The following HFM1 variants were observed in gnomAD, a reference collection of about 807,000 sequenced individuals.
HFM1 encodes helicase for meiosis 1, also known as probable ATP-dependent DNA helicase HFM1.
HFM1 carries 169 observed loss-of-function variants against 192.1 expected under a neutral mutation model. That is an observed-to-expected ratio of 0.88 (90% CI 0.78 to 1.00). HFM1 has a LOEUF of 1.00. HFM1 is among the 50% of genes least tolerant of loss of function. The pLI is 0.00. For synonymous variants in HFM1, 525 were observed against 537.8 expected, an observed-to-expected ratio of 0.98 and a Z score of 0.33; for missense variants, 1,661 against 1,668.0, an observed-to-expected ratio of 1.00 and a Z score of 0.07.
At position 91,404,802 on chromosome 1, in the gene HFM1, C is replaced by T. The variant is rs1272380315; in HGVS notation, c.-32G>A. ...CGTCCGGGCCCCTCTCCTCACCTCC[C>T]TGCGGACAGCTCCTAGGCCAGTCGA... On this transcript the variant is annotated 5_prime_UTR_variant, in exon 1 of 39. Transcript: ENST00000370425. 8.8e-6 allele frequency: 4 copies of T among 453,236 alleles called. No individual in the cohort carries two copies. Among genetic ancestry groups the T allele is most frequent in the Admixed American group, 7.1e-5 (3 of 42,260 alleles). 28.1% of individuals were successfully genotyped at this position (453,236 alleles called of 1,614,324 possible).
intron 30 of HFM1, among the ~76,000 whole-genome samples, chr1:91,311,675 A>G (rs1018798348): frequency 2.0e-5 from 3 of 152,326 alleles, no homozygotes; most frequent in South Asian, 2.1e-4. Flanking sequence ...TGCAATAGAA[A>G]AGAAAAACCC....
intron 30 of HFM1, among the ~76,000 whole-genome samples, chr1:91,289,070 C>T (rs565082104): frequency 3.3e-5 from 5 of 151,690 alleles, no homozygotes; most frequent in African/African-American, 7.3e-5. Context: ...CCGGATGGGG[C>T]GGCTGCCGGG....
intron 30 of HFM1, among the ~76,000 whole-genome samples, chr1:91,302,715 T>C (rs537062499): frequency 1.6e-4 from 22 of 141,846 alleles, no homozygotes; most frequent in African/African-American, 5.6e-4. Flanking sequence ...TTCTTACTCA[T>C]AGGTGGAATT....
At chr1:91,302,069 A>C (rs1383544092) in intron 30 of HFM1, among the ~76,000 whole-genome samples, 4 of 145,120 alleles carry the variant, frequency 2.8e-5, no homozygotes, top group African/African-American at 1.0e-4. Flanking sequence ...CAATGAACTC[A>C]AACAAATTTA....
upstream of HFM1, among the ~76,000 whole-genome samples, chr1:91,407,737 C>T (rs893216660): frequency 2.6e-5 from 4 of 152,144 alleles, no homozygotes; most frequent in African/African-American, 4.8e-5. Context: ...TAAATATCTC[C>T]GTTCAAGTCC....
chr1:91,375,125 AG>A (rs1266430073), intron 13 of HFM1, among the ~76,000 whole-genome samples: 1 of 152,134 alleles, frequency 6.6e-6, no homozygotes, highest in African/African-American at 2.4e-5. Context: ...GATTGAAATT[AG>A]GTTAAAAAAA....
chr1:91,378,610 A>C, intron 9 of HFM1, 130 bp from the exon 10 acceptor site: 1 of 474,698 alleles, frequency 2.1e-6, no homozygotes, highest in South Asian at 5.3e-5. Flanking sequence ...CCTTAAGAGT[A>C]TTCTGAAAAA....
intron 20 of HFM1, among the ~76,000 whole-genome samples, chr1:91,331,327 C>A (rs1653787610): frequency 6.6e-6 from 1 of 152,108 alleles, no homozygotes; most frequent in Non-Finnish European, 1.5e-5. Flanking sequence ...TATATGCCAA[C>A]AGTGAAAACT....
At chr1:91,310,095 A>G (rs1198689015) in intron 30 of HFM1, among the ~76,000 whole-genome samples, 3 of 152,108 alleles carry the variant, frequency 2.0e-5, no homozygotes, top group African/African-American at 7.2e-5. Flanking sequence ...GTATATCTAG[A>G]TGGTATGAAG....
intron 32 of HFM1, among the ~76,000 whole-genome samples, chr1:91,276,078 CTT>C (rs1570744896): frequency 6.6e-6 from 1 of 152,268 alleles, no homozygotes; most frequent in East Asian, 1.9e-4. Flanking sequence ...CTCTCTCTCT[CTT>C]TCTTTATACC....
At chr1:91,311,405 C>T (rs1290678437) in intron 30 of HFM1, among the ~76,000 whole-genome samples, 1 of 152,102 alleles carries the variant, frequency 6.6e-6, no homozygotes, top group African/African-American at 2.4e-5. Context: ...GCAGGTGGAT[C>T]ACCTGAGACC....
chr1:91,399,690 C>T (rs1375592087), intron 2 of HFM1, among the ~76,000 whole-genome samples: 1 of 152,210 alleles, frequency 6.6e-6, no homozygotes, highest in Non-Finnish European at 1.5e-5. Context: ...CCCACTTCTT[C>T]TCTTTCTATA....
chr1:91,313,981 T>A lies in HFM1; in HGVS notation c.3220A>T (p.Ile1074Leu). Residue 1074 changes from isoleucine (I) to leucine (L), a missense_variant, in exon 29 of 39, where the codon ATA becomes TTA. By Grantham distance (5) the Ile-to-Leu change is conservative. Transcript: ENST00000370425. ...CCAAATTCAGAACTTATTAGATTTA[T>A]GCTAAGATCTTCAGATTTAAGAGCT... The part of the protein sequence containing the change: ...KRALKSEDLS[I>L]NLISSEFVGL... 1 of 1,601,544 alleles carries A rather than the reference T, an allele frequency of 6.2e-7. No homozygotes were observed. The highest frequency in any genetic ancestry group is 8.5e-7 in the Non-Finnish European group (1 of 1,170,160).
At chr1:91,296,995 T>A (rs1392211866) in intron 30 of HFM1, among the ~76,000 whole-genome samples, 1 of 152,194 alleles carries the variant, frequency 6.6e-6, no homozygotes, top group Non-Finnish European at 1.5e-5. Flanking sequence ...GGGCGAGGCA[T>A]CGCCTCACCC....
At chr1:91,287,253 A>G (rs1477329548) in intron 30 of HFM1, among the ~76,000 whole-genome samples, 3 of 152,226 alleles carry the variant, frequency 2.0e-5, no homozygotes, top group Non-Finnish European at 4.4e-5. Flanking sequence ...GCAGACTTAA[A>G]TGTCCCTGTC....
At chr1:91,328,500 T>A in intron 20 of HFM1, 1 of 1,613,554 alleles carries the variant, frequency 6.2e-7, no homozygotes. Flanking sequence ...TGAGCACTTA[T>A]CAGTTCCTGA....
intron 20 of HFM1, among the ~76,000 whole-genome samples, chr1:91,334,253 G>A (rs1215550017): frequency 6.6e-6 from 1 of 152,202 alleles, no homozygotes; most frequent in African/African-American, 2.4e-5. Context: ...CACAAGTTAC[G>A]TGACCAGTTT....
intron 2 of HFM1, among the ~76,000 whole-genome samples, chr1:91,398,040 T>C (rs190985703): frequency 1.3e-5 from 2 of 152,350 alleles, no homozygotes; most frequent in Admixed American, 1.3e-4. Context: ...TTACACATAG[T>C]AAGCCACTGT....
intron 36 of HFM1, among the ~76,000 whole-genome samples, chr1:91,263,349 A>G (rs1420209269): frequency 6.6e-6 from 1 of 152,202 alleles, no homozygotes; most frequent in African/African-American, 2.4e-5. Context: ...GTGGGTGGAG[A>G]CAGGGAAGAA....
Sources: gnomAD v4.1 joint callset for allele counts (sites outside exome capture counted in the v4.1 genomes callset) on GRCh38, gnomAD v4.1.1 for gene constraint, MANE v1.5 for transcripts, NCBI Gene and HGNC (gene_info 2026-07-23, HGNC 2026-07-21) for gene names.